The following ANKFN1 variants were observed in gnomAD, a reference collection of about 807,000 sequenced individuals.
The protein encoded by ANKFN1 is ankyrin repeat and fibronectin type III domain containing 1.
Under a neutral mutation model 108.7 loss-of-function variants are expected in ANKFN1, and 74 were observed. The observed-to-expected ratio is 0.68, with a 90% confidence interval of 0.56 to 0.83. The LOEUF is 0.83. Among genes scored for constraint, ANKFN1 ranks in the 40% least tolerant of loss-of-function variants. ANKFN1 has a pLI of 0.00. For synonymous variants in ANKFN1, 547 were observed against 516.2 expected (o/e 1.06, Z -0.81); for missense variants, 1,505 against 1,382.3 (o/e 1.09, Z -1.41).
intron 14 of ANKFN1, among the ~76,000 whole-genome samples, chr17:56,463,147 G>T (rs2049967792): frequency 6.6e-6 from 1 of 152,188 alleles, no homozygotes; most frequent in Non-Finnish European, 1.5e-5. Flanking sequence ...CAGACTAGGT[G>T]CCAGGCACTG....
intron 8 of ANKFN1, among the ~76,000 whole-genome samples, chr17:56,384,327 C>G (rs574038299): frequency 6.6e-6 from 1 of 150,586 alleles, no homozygotes; most frequent in South Asian, 2.1e-4. Context: ...TGGGACGTAT[C>G]TCAAAATAAT....
chr17:56,214,757 G>A (rs1165741589), intron 2 of ANKFN1, among the ~76,000 whole-genome samples: 2 of 152,044 alleles, frequency 1.3e-5, no homozygotes, highest in Non-Finnish European at 2.9e-5. Context: ...TCAGACCTCT[G>A]GAATATTTAA....
chr17:56,270,998 A>G (rs2043778429), intron 3 of ANKFN1, among the ~76,000 whole-genome samples: 1 of 152,048 alleles, frequency 6.6e-6, no homozygotes, highest in African/African-American at 2.4e-5. Context: ...CATTGTTTGT[A>G]AAATTATTTT....
chr17:56,460,056 T>TAAAA lies in ANKFN1; in HGVS notation c.1557+2086_1557+2089dup, dbSNP rs57118539. ...TCTAAAGTAGTTACACATTGCCACA[T>TAAAA]AAAAAAAAAAAATCACAAAAAAGGG... On this transcript the variant is annotated intron_variant, in intron 14 of 20. Transcript: ENST00000682825. Among the ~76,000 whole-genome samples the TAAAA allele has an allele frequency of 2.7e-3, 393 of 148,020 alleles. 2 individuals are homozygous for TAAAA. Among genetic ancestry groups the TAAAA allele is most frequent in the East Asian group, 0.012 (61 of 5,068 alleles).
intron 2 of ANKFN1, among the ~76,000 whole-genome samples, chr17:56,227,146 T>C (rs1191424319): frequency 1.3e-5 from 2 of 152,144 alleles, no homozygotes; most frequent in African/African-American, 2.4e-5. Context: ...ATATCAATCA[T>C]AGGGACTTTC....
At chr17:56,187,930 C>T (rs1330320359) in intron 1 of ANKFN1, among the ~76,000 whole-genome samples, 2 of 124,980 alleles carry the variant, frequency 1.6e-5, no homozygotes, top group African/African-American at 3.0e-5. Context: ...CGGGGCCTGT[C>T]GTGGGGTAGG....
chr17:56,166,128 A>G (rs896073151), intron 1 of ANKFN1, among the ~76,000 whole-genome samples: 8 of 152,202 alleles, frequency 5.3e-5, no homozygotes, highest in Middle Eastern at 3.2e-3. Context: ...ATGCATAAAA[A>G]AAGTAATCAG....
At chr17:56,250,438 T>C (rs529392765) in intron 3 of ANKFN1, among the ~76,000 whole-genome samples, 46 of 152,368 alleles carry the variant, frequency 3.0e-4, no homozygotes, top group African/African-American at 9.9e-4. Context: ...CAAGAATTTA[T>C]CCTTCTTTAA....
chr17:56,282,696 G>A (rs2044114687), intron 3 of ANKFN1, among the ~76,000 whole-genome samples: 1 of 152,072 alleles, frequency 6.6e-6, no homozygotes, highest in Admixed American at 6.6e-5. Context: ...AATGAATGCA[G>A]CACCCTTTAA....
chr17:56,177,360 A>G (rs905563437), intron 1 of ANKFN1, among the ~76,000 whole-genome samples: 1 of 152,224 alleles, frequency 6.6e-6, no homozygotes, highest in African/African-American at 2.4e-5. Context: ...GTTTCCCAGC[A>G]TGGGAATGAA....
At chr17:56,322,808 C>T (rs928753978) in intron 3 of ANKFN1, among the ~76,000 whole-genome samples, 1 of 152,164 alleles carries the variant, frequency 6.6e-6, no homozygotes, top group African/African-American at 2.4e-5. Context: ...TTTTTTATGG[C>T]ATTTACTTAA....
chr17:56,137,738 C>A (rs900776956), intron 4 of ANKFN1, among the ~76,000 whole-genome samples: 1 of 151,950 alleles, frequency 6.6e-6, no homozygotes, highest in Admixed American at 6.6e-5. Context: ...GGATACCTAG[C>A]CAGATAGTGT....
At chr17:56,105,713 G>GTC (rs754349476) in intron 4 of ANKFN1, among the ~76,000 whole-genome samples, 3 of 112,090 alleles carry the variant, frequency 2.7e-5, no homozygotes, top group Middle Eastern at 4.0e-3. Context: ...TTTTTTGTCT[G>GTC]TGTGTGTGTG....
chr17:56,153,542 A>C lies in ANKFN1; in HGVS notation c.-71+12A>C. 2 of 1,613,814 alleles carry C rather than the reference A, an allele frequency of 1.2e-6. No homozygotes were observed. Among genetic ancestry groups the C allele is most frequent in the Non-Finnish European group, 1.7e-6 (2 of 1,179,686 alleles). On this transcript the variant is annotated intron_variant, in intron 1 of 20. Coordinates refer to ENST00000682825, the MANE Select transcript of ANKFN1 (RefSeq NM_001370326.1). ...CGTCTCTAACCAGGGTAGGAAAACA[A>C]TAGTTCTAAATATCGGTAATTGGTG...
intron 3 of ANKFN1, among the ~76,000 whole-genome samples, chr17:56,271,060 A>AT (rs2043780596): frequency 6.6e-6 from 1 of 151,792 alleles, no homozygotes; most frequent in African/African-American, 2.4e-5. Context: ...CCCAGGCTGG[A>AT]GTGTAGTGGC....
chr17:56,164,378 C>T (rs1909959175), intron 1 of ANKFN1, among the ~76,000 whole-genome samples: 1 of 152,144 alleles, frequency 6.6e-6, no homozygotes, highest in South Asian at 2.1e-4. Flanking sequence ...CCCATCTCTA[C>T]TGGATCTGTT....
chr17:56,337,865 A>G (rs112978654), intron 4 of ANKFN1, among the ~76,000 whole-genome samples: 1 of 152,234 alleles, frequency 6.6e-6, no homozygotes, highest in South Asian at 2.1e-4. Context: ...GGGAGTGTAA[A>G]CTAGTTCAAC....
chr17:56,260,413 G>C (rs1033971196), intron 3 of ANKFN1, among the ~76,000 whole-genome samples: 5 of 152,048 alleles, frequency 3.3e-5, no homozygotes, highest in African/African-American at 1.2e-4. Flanking sequence ...TGGTGGTGGT[G>C]GTGGGGCGGG....
intron 4 of ANKFN1, among the ~76,000 whole-genome samples, chr17:56,094,101 C>T (rs1482110564): frequency 6.6e-6 from 1 of 151,028 alleles, no homozygotes; most frequent in Non-Finnish European, 1.5e-5. Context: ...ATCTACATCC[C>T]AAGAAATGTG....
Sources: allele counts gnomAD v4.1 joint callset (sites outside exome capture counted in the v4.1 genomes callset), GRCh38; gene constraint gnomAD v4.1.1; transcripts MANE v1.5; gene names NCBI Gene and HGNC (gene_info 2026-07-23, HGNC 2026-07-21).